The following CASQ2 variants were observed in gnomAD, a reference collection of about 807,000 sequenced individuals.
CASQ2 encodes calsequestrin 2.
CASQ2 carries 49 observed loss-of-function variants against 46.5 expected under a neutral mutation model. That is an observed-to-expected ratio of 1.05 (90% CI 0.84 to 1.34). CASQ2 has a LOEUF of 1.34. CASQ2 is among the 40% of genes most tolerant of loss of function. The pLI, the probability that CASQ2 is intolerant of heterozygous loss-of-function variation, is 0.00. For missense variants in CASQ2, 486 were observed against 481.3 expected (o/e 1.01, Z -0.09); for synonymous variants, 174 against 168.5 (o/e 1.03, Z -0.25).
At chr1:115,715,715 T>G (rs1016602401) in intron 8 of CASQ2, among the ~76,000 whole-genome samples, 1 of 152,318 alleles carries the variant, frequency 6.6e-6, no homozygotes, top group East Asian at 1.9e-4. Context: ...TTTTATAAAT[T>G]ATATGATAAA....
Position 115,700,872 on chromosome 1 carries a change from T to A in CASQ2, c.*369A>T. 1 of 587,562 alleles carries A rather than the reference T, an allele frequency of 1.7e-6. No homozygotes were observed. The highest frequency in any genetic ancestry group is 3.0e-6 in the Non-Finnish European group (1 of 332,298). 36.4% of individuals were successfully genotyped at this position (587,562 alleles called of 1,614,324 possible). ...TCTATGCCTGTGAGTTAGAAAGCTG[T>A]CAATTTTGTTACTGTCATAATCAAA... On this transcript the variant is annotated 3_prime_UTR_variant, in exon 11 of 11. Transcript: ENST00000261448.
chr1:115,727,921 G>A (rs1647650498), intron 5 of CASQ2, among the ~76,000 whole-genome samples: 1 of 152,212 alleles, frequency 6.6e-6, no homozygotes, highest in African/African-American at 2.4e-5. Context: ...TGTTGTCAAG[G>A]CAGAATGGTT....
At chr1:115,735,284 G>A (rs1168438316) in intron 4 of CASQ2, among the ~76,000 whole-genome samples, 1 of 152,202 alleles carries the variant, frequency 6.6e-6, no homozygotes, top group Non-Finnish European at 1.5e-5. Context: ...GAAGAAATGG[G>A]TTCAGGAGAC....
Position 115,726,975 on chromosome 1 carries a change from C to CCA in CASQ2, c.737+16_737+17insTG. The CCA allele has an allele frequency of 6.3e-7, 1 of 1,589,546 alleles. No homozygotes were observed. On this transcript the variant is annotated intron_variant, in intron 6 of 10. Transcript: ENST00000261448. ...CCAGACCCCAGGCCCCCAGCCCCCA[C>CCA]ATGCCATCTCAGGCACCTTTGGTGT... is the stretch of plus-strand genomic sequence containing the variant.
intron 9 of CASQ2, 143 bp downstream of exon 9, chr1:115,705,049 A>G (rs1167534565): frequency 2.8e-6 from 2 of 714,114 alleles, no homozygotes; most frequent in East Asian, 5.3e-5. Context: ...ATACTGCCCC[A>G]AGGGCCAAGA....
intron 7 of CASQ2, among the ~76,000 whole-genome samples, chr1:115,718,585 G>T (rs1347112631): frequency 1.3e-5 from 2 of 152,132 alleles, no homozygotes; most frequent in African/African-American, 2.4e-5. Flanking sequence ...TGAAGTCCTT[G>T]CCCAGTCAGT....
intron 7 of CASQ2, among the ~76,000 whole-genome samples, chr1:115,723,649 TA>T (rs1465988779): frequency 6.6e-6 from 1 of 152,034 alleles, no homozygotes; most frequent in African/African-American, 2.4e-5. Context: ...GTGATTCTCT[TA>T]TATCAGCCTC....
chr1:115,702,219 G>T (rs748184929), intron 10 of CASQ2, among the ~76,000 whole-genome samples: 1 of 151,542 alleles, frequency 6.6e-6, no homozygotes, highest in Non-Finnish European at 1.5e-5. Flanking sequence ...ACCACGCCTG[G>T]CTTGGCCCCC....
intron 7 of CASQ2, among the ~76,000 whole-genome samples, chr1:115,720,021 CTCATA>C (rs1647314160): frequency 6.6e-6 from 1 of 152,100 alleles, no homozygotes; most frequent in Admixed American, 6.5e-5. Context: ...ATCTCAAAAT[CTCATA>C]AGAAAGTCTT....
chr1:115,735,331 C>T (rs1026037857), intron 4 of CASQ2, among the ~76,000 whole-genome samples: 5 of 152,110 alleles, frequency 3.3e-5, no homozygotes, highest in South Asian at 2.1e-4. Flanking sequence ...GGGTTAACTG[C>T]GCAAGAATTT....
At chr1:115,727,965 C>T (rs958383412) in intron 5 of CASQ2, among the ~76,000 whole-genome samples, 30 of 152,208 alleles carry the variant, frequency 2.0e-4, no homozygotes, top group African/African-American at 7.0e-4. Flanking sequence ...AACTCAGGAC[C>T]TCTGTTTGTG....
At chr1:115,744,265 G>C (rs981687786) in intron 2 of CASQ2, among the ~76,000 whole-genome samples, 1 of 152,054 alleles carries the variant, frequency 6.6e-6, no homozygotes, top group Non-Finnish European at 1.5e-5. Context: ...ATGACATATC[G>C]ACACTAGAGA....
At chr1:115,756,721 C>T (rs1388239369) in intron 1 of CASQ2, among the ~76,000 whole-genome samples, 3 of 152,004 alleles carry the variant, frequency 2.0e-5, no homozygotes, top group East Asian at 1.9e-4. Context: ...CTGAGGCAGG[C>T]GGATCACCTG....
At chr1:115,753,571 T>C (rs1286462722) in intron 1 of CASQ2, among the ~76,000 whole-genome samples, 1 of 152,106 alleles carries the variant, frequency 6.6e-6, no homozygotes, top group Non-Finnish European at 1.5e-5. Flanking sequence ...TCTCGCTTAT[T>C]CAAGGTGTCA....
intron 1 of CASQ2, among the ~76,000 whole-genome samples, chr1:115,749,255 C>T (rs10754349): frequency 0.28 from 41,839 of 151,866 alleles, 6,086 homozygotes; most frequent in East Asian, 0.43. Flanking sequence ...CTCCTAGGTA[C>T]GCACTACCAT....
chr1:115,762,090 C>A (rs1311668507), intron 1 of CASQ2, among the ~76,000 whole-genome samples: 1 of 152,238 alleles, frequency 6.6e-6, no homozygotes, highest in Non-Finnish European at 1.5e-5. Context: ...CAGCCTTAGA[C>A]TTTGAACTCT....
chr1:115,766,589 T>G lies in CASQ2; in HGVS notation c.234+1719A>C, dbSNP rs545376614. Among the ~76,000 whole-genome samples, 6 of 152,340 alleles carry G rather than the reference T, an allele frequency of 3.9e-5. No individual in the cohort carries two copies. The South Asian group carries it at 1.2e-3, about 32-fold the overall frequency. On this transcript the variant is annotated intron_variant, in intron 1 of 10. Coordinates refer to ENST00000261448, the MANE Select transcript of CASQ2 (RefSeq NM_001232.4). ...AATTTGCCCTGTGTCCTGTGCCTAG[T>G]AGAGACAAAGCCAGAACTTAAATCC... is the stretch of plus-strand genomic sequence containing the variant.
intron 2 of CASQ2, among the ~76,000 whole-genome samples, chr1:115,743,560 C>T (rs1648269243): frequency 6.6e-6 from 1 of 151,998 alleles, no homozygotes; most frequent in Non-Finnish European, 1.5e-5. Flanking sequence ...AAATAGTTTC[C>T]TATAATTTAA....
At chr1:115,722,728 C>T (rs1026626304) in intron 7 of CASQ2, among the ~76,000 whole-genome samples, 6 of 152,074 alleles carry the variant, frequency 3.9e-5, no homozygotes, top group African/African-American at 7.2e-5. Flanking sequence ...AGACCAAGAC[C>T]CTGTTCCAAA....
Sources: gnomAD v4.1 joint callset for allele counts (sites outside exome capture counted in the v4.1 genomes callset) on GRCh38, gnomAD v4.1.1 for gene constraint, MANE v1.5 for transcripts, NCBI Gene and HGNC (gene_info 2026-07-23, HGNC 2026-07-21) for gene names.